The following KCNG3 variants were observed in gnomAD, a reference collection of about 807,000 sequenced individuals.
KCNG3 encodes voltage-gated potassium channel regulatory subunit KCNG3.
Under a neutral mutation model 29.0 loss-of-function variants are expected in KCNG3, and 15 were observed. The ratio of observed to expected loss-of-function variants is 0.52; its 90% CI spans 0.35 to 0.80. The LOEUF is 0.80. Among genes scored for constraint, KCNG3 ranks in the 30% least tolerant of loss-of-function variants. The pLI, the probability that KCNG3 is intolerant of heterozygous loss-of-function variation, is 0.01. For missense variants in KCNG3, 512 were observed against 605.7 expected (o/e 0.85, Z 1.62); for synonymous variants, 322 against 248.9 (o/e 1.29, Z -2.76).
the KCNG3 span, among the ~76,000 whole-genome samples, chr2:42,427,286 A>G: frequency 6.6e-6 from 1 of 152,206 alleles, no homozygotes; most frequent in Non-Finnish European, 1.5e-5. Context: ...TAAGCTAAAA[A>G]TCAAATTTAA....
chr2:42,456,876 G>C (rs1214674579), intron 1 of KCNG3, among the ~76,000 whole-genome samples: 2 of 152,044 alleles, frequency 1.3e-5, no homozygotes, highest in Non-Finnish European at 2.9e-5. Flanking sequence ...ATTACCTAGA[G>C]TCTTTCATGT....
chr2:42,428,891 G>C, the KCNG3 span, among the ~76,000 whole-genome samples: 4 of 152,084 alleles, frequency 2.6e-5, no homozygotes, highest in African/African-American at 9.7e-5. Context: ...AGCTGAGGTG[G>C]GCAGATCACT....
the KCNG3 span, among the ~76,000 whole-genome samples, chr2:42,431,889 A>T: frequency 7.2e-5 from 11 of 152,058 alleles, no homozygotes; most frequent in Non-Finnish European, 1.3e-4. Flanking sequence ...AATACAAAAA[A>T]TGAGCCAGGC....
intron 1 of KCNG3, among the ~76,000 whole-genome samples, chr2:42,465,255 C>G (rs1016996859): frequency 3.3e-5 from 5 of 149,634 alleles, no homozygotes; most frequent in African/African-American, 1.2e-4. Flanking sequence ...TTGGCTCTGT[C>G]GCTCAGCCTG....
At chr2:42,458,955 T>C (rs1288073871) in intron 1 of KCNG3, among the ~76,000 whole-genome samples, 6 of 152,062 alleles carry the variant, frequency 3.9e-5, no homozygotes, top group African/African-American at 9.7e-5. Context: ...CCAGCACTTT[T>C]TGAGGCCAAG....
chr2:42,395,399 G>A, the KCNG3 span, among the ~76,000 whole-genome samples: 2 of 152,162 alleles, frequency 1.3e-5, no homozygotes, highest in East Asian at 3.9e-4. Flanking sequence ...CTGGTGGAAA[G>A]GCTGTTTAAG....
At chr2:42,434,050 A>G in the KCNG3 span, among the ~76,000 whole-genome samples, 1 of 152,242 alleles carries the variant, frequency 6.6e-6, no homozygotes, top group Non-Finnish European at 1.5e-5. Flanking sequence ...CTTAATATGA[A>G]TAAGATGCTA....
the KCNG3 span, among the ~76,000 whole-genome samples, chr2:42,405,226 G>A: frequency 2.0e-5 from 3 of 152,166 alleles, no homozygotes; most frequent in Non-Finnish European, 4.4e-5. Flanking sequence ...TATACATGCA[G>A]TTATGTGCAC....
chr2:42,457,692 C>A (rs879328546), intron 1 of KCNG3, among the ~76,000 whole-genome samples: 10 of 150,394 alleles, frequency 6.6e-5, no homozygotes, highest in Admixed American at 1.3e-4. Context: ...GTGGCTCACA[C>A]CTCTGATCCC....
At chr2:42,392,535 C>G in the KCNG3 span, among the ~76,000 whole-genome samples, 1 of 152,136 alleles carries the variant, frequency 6.6e-6, no homozygotes, top group African/African-American at 2.4e-5. Flanking sequence ...CTACTGCTGG[C>G]AGCATAGAAA....
At chr2:42,416,123 G>C in the KCNG3 span, among the ~76,000 whole-genome samples, 1 of 151,920 alleles carries the variant, frequency 6.6e-6, no homozygotes, top group African/African-American at 2.4e-5. Flanking sequence ...AGGCACGAGA[G>C]TCACTAGAAC....
At chr2:42,445,135 T>C (rs1672568474) in intron 1 of KCNG3, among the ~76,000 whole-genome samples, 1 of 151,896 alleles carries the variant, frequency 6.6e-6, no homozygotes, top group Non-Finnish European at 1.5e-5. Context: ...ACAATACTAT[T>C]AAATTTTGTT....
chr2:42,483,691 G>C (rs1465010444), intron 1 of KCNG3, among the ~76,000 whole-genome samples: 1 of 152,216 alleles, frequency 6.6e-6, no homozygotes, highest in Non-Finnish European at 1.5e-5. Context: ...CATCAGATGA[G>C]ACATTTATTA....
At chr2:42,409,866 T>C in the KCNG3 span, among the ~76,000 whole-genome samples, 1 of 152,112 alleles carries the variant, frequency 6.6e-6, no homozygotes, top group Non-Finnish European at 1.5e-5. Context: ...CAATTGACTT[T>C]TGGACCTCCA....
At chr2:42,477,384 T>TACACACACAC (rs1210187032) in intron 1 of KCNG3, among the ~76,000 whole-genome samples, 3,087 of 101,746 alleles carry the variant, frequency 0.03, 82 homozygotes, top group East Asian at 0.056. Context: ...CACACACATA[T>TACACACACAC]ATATACACAC....
intron 1 of KCNG3, among the ~76,000 whole-genome samples, chr2:42,451,330 C>A (rs1672749293): frequency 6.6e-6 from 1 of 151,722 alleles, no homozygotes; most frequent in Non-Finnish European, 1.5e-5. Flanking sequence ...GTAATCTCAG[C>A]ACTTTGGGAG....
chr2:42,472,387 T>C (rs1673311501), intron 1 of KCNG3, among the ~76,000 whole-genome samples: 1 of 152,176 alleles, frequency 6.6e-6, no homozygotes, highest in Non-Finnish European at 1.5e-5. Context: ...TACATAATCA[T>C]ATATTAAATG....
chr2:42,454,410 T>A (rs1672830983), intron 1 of KCNG3, among the ~76,000 whole-genome samples: 1 of 152,194 alleles, frequency 6.6e-6, no homozygotes, highest in African/African-American at 2.4e-5. Flanking sequence ...AATTTAATAT[T>A]GAATTTAAAA....
chr2:42,420,355 G>C, the KCNG3 span, among the ~76,000 whole-genome samples: 2 of 152,236 alleles, frequency 1.3e-5, no homozygotes, highest in Admixed American at 1.3e-4. Flanking sequence ...CCCTGAGACA[G>C]TTTCTTCATC....
Sources: gnomAD v4.1 joint callset for allele counts (sites outside exome capture counted in the v4.1 genomes callset) on GRCh38, gnomAD v4.1.1 for gene constraint, MANE v1.5 for transcripts, NCBI Gene and HGNC (gene_info 2026-07-23, HGNC 2026-07-21) for gene names.